Variants in GUCY1A2 observed in about 807,000 individuals in gnomAD.
GUCY1A2 encodes the protein guanylate cyclase 1 soluble subunit alpha 2.
A neutral mutation model predicts 63.5 loss-of-function variants in GUCY1A2; 27 were observed. The ratio of observed to expected loss-of-function variants is 0.43; its 90% CI spans 0.31 to 0.59. GUCY1A2 has a LOEUF of 0.59. Among genes scored for constraint, GUCY1A2 ranks in the 20% least tolerant of loss-of-function variants. The pLI is 0.11. For missense variants in GUCY1A2, 768 were observed against 913.3 expected (o/e 0.84, Z 2.05); for synonymous variants, 364 against 343.5 (o/e 1.06, Z -0.66).
chr11:106,827,284 G>A, intron 4 of GUCY1A2: 1 of 1,554,784 alleles, frequency 6.4e-7, no homozygotes, highest in Non-Finnish European at 8.9e-7. Context: ...TGCAATTTTA[G>A]CCTCTGATTT....
At chr11:106,956,484 T>C (rs989690475) in intron 3 of GUCY1A2, among the ~76,000 whole-genome samples, 1 of 152,104 alleles carries the variant, frequency 6.6e-6, no homozygotes, top group Admixed American at 6.5e-5. Context: ...GTTGTTGTTG[T>C]TGTTGATGCT....
At chr11:106,914,785 T>C (rs923400629) in intron 4 of GUCY1A2, among the ~76,000 whole-genome samples, 11 of 152,012 alleles carry the variant, frequency 7.2e-5, no homozygotes, top group African/African-American at 1.9e-4. Flanking sequence ...GTATAAAGTA[T>C]TTTGAAAGAC....
intron 4 of GUCY1A2, among the ~76,000 whole-genome samples, chr11:106,821,560 A>T (rs2135430642): frequency 6.6e-6 from 1 of 152,330 alleles, no homozygotes; most frequent in South Asian, 2.1e-4. Flanking sequence ...ACACTTCAAG[A>T]AGCTATAATA....
intron 5 of GUCY1A2, among the ~76,000 whole-genome samples, chr11:106,790,165 G>A (rs970843524): frequency 2.6e-5 from 4 of 152,182 alleles, no homozygotes; most frequent in Admixed American, 6.5e-5. Flanking sequence ...GGAAGTCTAC[G>A]TGGTTTTCTA....
At chr11:106,789,293 T>C (rs1864618585) in intron 5 of GUCY1A2, among the ~76,000 whole-genome samples, 1 of 152,252 alleles carries the variant, frequency 6.6e-6, no homozygotes, top group African/African-American at 2.4e-5. Flanking sequence ...TTCTTCAGTA[T>C]GTCAATTACA....
chr11:106,728,119 T>A (rs563053701), intron 6 of GUCY1A2, among the ~76,000 whole-genome samples: 8 of 152,334 alleles, frequency 5.3e-5, no homozygotes, highest in African/African-American at 1.9e-4. Context: ...GCATGCCTTC[T>A]TGTTTACTAA....
chr11:106,878,806 A>T (rs1271502813), intron 4 of GUCY1A2, among the ~76,000 whole-genome samples: 1 of 151,270 alleles, frequency 6.6e-6, no homozygotes, highest in Non-Finnish European at 1.5e-5. Context: ...AAAAAGAAGA[A>T]GTTGGAAAGG....
chr11:106,852,981 G>A (rs1487362376), intron 4 of GUCY1A2, among the ~76,000 whole-genome samples: 1 of 151,994 alleles, frequency 6.6e-6, no homozygotes, highest in Admixed American at 6.6e-5. Context: ...TTTTCTCTTG[G>A]GCTGTCAGAC....
chr11:106,847,612 A>T (rs921390871), intron 4 of GUCY1A2, among the ~76,000 whole-genome samples: 5 of 151,724 alleles, frequency 3.3e-5, no homozygotes, highest in Admixed American at 2.0e-4. Context: ...TGAAAAGGTG[A>T]TATTTCATTA....
intron 6 of GUCY1A2, among the ~76,000 whole-genome samples, chr11:106,772,465 A>G (rs968096515): frequency 2.0e-5 from 3 of 152,194 alleles, no homozygotes; most frequent in African/African-American, 4.8e-5. Flanking sequence ...TCAAATTAAT[A>G]TGATGAAAAA....
intron 6 of GUCY1A2, among the ~76,000 whole-genome samples, chr11:106,737,557 C>T (rs1016614323): frequency 2.0e-5 from 3 of 152,102 alleles, no homozygotes; most frequent in South Asian, 4.2e-4. Flanking sequence ...TAGCTCCCCA[C>T]CCTCACAACA....
At chr11:106,862,263 T>C (rs1859523282) in intron 4 of GUCY1A2, among the ~76,000 whole-genome samples, 1 of 152,048 alleles carries the variant, frequency 6.6e-6, no homozygotes, top group African/African-American at 2.4e-5. Context: ...TTCCTAAGTT[T>C]CTCATTGGTA....
intron 4 of GUCY1A2, among the ~76,000 whole-genome samples, chr11:106,838,097 A>T (rs1859141479): frequency 6.6e-6 from 1 of 151,742 alleles, no homozygotes; most frequent in Non-Finnish European, 1.5e-5. Context: ...TCCCAATGTC[A>T]CCTCCATTAT....
chr11:106,758,775 G>A (rs1864016498), intron 6 of GUCY1A2, among the ~76,000 whole-genome samples: 1 of 152,184 alleles, frequency 6.6e-6, no homozygotes, highest in South Asian at 2.1e-4. Flanking sequence ...AAACAAAGCA[G>A]CAGCATGTAG....
At chr11:107,015,712 T>C (rs1262391391) in intron 1 of GUCY1A2, among the ~76,000 whole-genome samples, 2 of 152,114 alleles carry the variant, frequency 1.3e-5, no homozygotes, top group Non-Finnish European at 2.9e-5. Context: ...CAAATGTTGC[T>C]TTAAGTACTG....
chr11:106,997,988 G>C (rs1192025271), intron 1 of GUCY1A2, among the ~76,000 whole-genome samples: 3 of 152,202 alleles, frequency 2.0e-5, no homozygotes, highest in East Asian at 1.9e-4. Context: ...AAAAAATAAA[G>C]TGATGTCACT....
At chr11:106,998,281 G>A (rs768823596) in intron 1 of GUCY1A2, among the ~76,000 whole-genome samples, 3 of 152,126 alleles carry the variant, frequency 2.0e-5, no homozygotes, top group African/African-American at 7.2e-5. Context: ...TGGAAAAGGA[G>A]AGAGAGAGGG....
intron 4 of GUCY1A2, among the ~76,000 whole-genome samples, chr11:106,907,935 T>A (rs1270233443): frequency 6.6e-6 from 1 of 152,156 alleles, no homozygotes; most frequent in East Asian, 1.9e-4. Context: ...CTCAAGAAGA[T>A]ATAAATAGAG....
At chr11:106,933,612 A>T (rs957359288) in intron 4 of GUCY1A2, among the ~76,000 whole-genome samples, 2 of 152,196 alleles carry the variant, frequency 1.3e-5, no homozygotes, top group Non-Finnish European at 2.9e-5. Context: ...CCAAAAGAAA[A>T]TAAATCATTC....
Sources: allele counts gnomAD v4.1 joint callset (sites outside exome capture counted in the v4.1 genomes callset), GRCh38; gene constraint gnomAD v4.1.1; transcripts MANE v1.5; gene names NCBI Gene and HGNC (gene_info 2026-07-23, HGNC 2026-07-21).